The following MEGF9 variants were observed in gnomAD, a reference collection of about 807,000 sequenced individuals.
The protein encoded by MEGF9 is multiple EGF like domains 9, also known as multiple epidermal growth factor-like domains protein 9.
A neutral mutation model predicts 46.8 loss-of-function variants in MEGF9; 6 were observed. That is an observed-to-expected ratio of 0.13 (90% confidence interval 0.07 to 0.25). The LOEUF is 0.25. Ranked by LOEUF, MEGF9 falls within the 10% of genes least tolerant of loss-of-function variation. MEGF9 has a pLI of 1.00. For synonymous variants in MEGF9, 302 were observed against 330.7 expected (o/e 0.91, Z 0.94); for missense variants, 683 against 792.4 (o/e 0.86, Z 1.66).
At chr9:120,696,540 C>G (rs2043877815) in intron 1 of MEGF9, among the ~76,000 whole-genome samples, 1 of 152,052 alleles carries the variant, frequency 6.6e-6, no homozygotes, top group Admixed American at 6.5e-5. Flanking sequence ...CTCTTAGTAT[C>G]TGACAAAGAG....
chr9:120,616,654 G>A (rs1465009571), intron 3 of MEGF9, among the ~76,000 whole-genome samples: 1 of 142,874 alleles, frequency 7.0e-6, no homozygotes, highest in Non-Finnish European at 1.5e-5. Flanking sequence ...CTCCAGCCTG[G>A]GTGACAGAGC....
At position 120,714,363 on chromosome 9, in the gene MEGF9, T is replaced by G; in HGVS notation, c.-5A>C. The stretch of plus-strand genomic sequence containing the variant: ...GCGCTCGGCTCCGCCATTCATTCAT[T>G]CAGCCAGTCGGTTGGTCAGTCATCT... On this transcript the variant is annotated 5_prime_UTR_variant, in exon 1 of 6. It removes the in-frame stop codon of an upstream open reading frame in the 5' UTR. Transcript: ENST00000373930. The G allele has an allele frequency of 7.6e-7, 1 of 1,322,618 alleles. No individual in the cohort carries two copies. Among genetic ancestry groups the G allele is most frequent in the Non-Finnish European group, 9.7e-7 (1 of 1,036,126 alleles). 81.9% of individuals were successfully genotyped at this position (1,322,618 alleles called of 1,614,324 possible).
intron 2 of MEGF9, among the ~76,000 whole-genome samples, chr9:120,640,707 A>C (rs1030816440): frequency 6.6e-6 from 1 of 152,022 alleles, no homozygotes; most frequent in Non-Finnish European, 1.5e-5. Context: ...AAATTTTATT[A>C]TTCTTCTTTA....
rs1322398775 is a variant in MEGF9, at chr9:120,607,933, C to T, written c.1165G>A (p.Gly389Ser). 2.5e-6 allele frequency: 4 copies of T among 1,613,964 alleles called. No individual in the cohort carries two copies. The highest frequency in any genetic ancestry group is 3.4e-6 in the Non-Finnish European group (4 of 1,179,866). Residue 389 changes from glycine to serine, a missense_variant, in exon 5 of 6, where the codon GGC becomes AGC. Physicochemically the swap from Gly to Ser is moderately conservative, Grantham distance 56. Transcript: ENST00000373930. ...IGPNCNKCEN[G>S]YYNFDSICRK... ...CAGATGCTGTCAAAATTGTAATAGC[C>T]ATTTTCACATTTATTGCAGTTCGGG...
At position 120,713,785 on chromosome 9, in the gene MEGF9, T is replaced by C; in HGVS notation, c.574A>G (p.Thr192Ala). Residue 192 changes from threonine to alanine, a missense_variant, in exon 1 of 6, where the codon ACC becomes GCC. Thr to Ala is a moderately conservative substitution (Grantham distance 58). Coordinates refer to ENST00000373930, the MANE Select transcript of MEGF9 (RefSeq NM_001080497.3). ...GGAGGAGGCGAAGAGGGGGCCTCGG[T>C]GGCAGGTGGGGTGGGGAGGACGCTG... The part of the protein sequence containing the change: ...NSSVLPTPPA[T>A]EAPSSPPPEY... 1 of 1,285,440 alleles carries C rather than the reference T, an allele frequency of 7.8e-7. No homozygotes were observed. Among genetic ancestry groups the C allele is most frequent in the Non-Finnish European group, 9.8e-7 (1 of 1,017,494 alleles). 79.6% of individuals were successfully genotyped at this position (1,285,440 alleles called of 1,614,324 possible). A position where few individuals can be genotyped will look rare whatever the true frequency, so the allele number is the denominator to read the frequency against.
At chr9:120,686,087 A>ATTTT (rs939309954) in intron 1 of MEGF9, among the ~76,000 whole-genome samples, 1 of 137,016 alleles carries the variant, frequency 7.3e-6, no homozygotes, top group African/African-American at 2.8e-5. Context: ...AGTTGAGGGA[A>ATTTT]TTTTTTTTTT....
intron 1 of MEGF9, among the ~76,000 whole-genome samples, chr9:120,668,097 T>C (rs745370732): frequency 1.3e-5 from 2 of 152,186 alleles, no homozygotes; most frequent in Non-Finnish European, 2.9e-5. Flanking sequence ...CCTAAGTATA[T>C]GGTGTATTTC....
chr9:120,672,051 C>A (rs1454097848), intron 1 of MEGF9, among the ~76,000 whole-genome samples: 1 of 152,164 alleles, frequency 6.6e-6, no homozygotes, highest in Non-Finnish European at 1.5e-5. Flanking sequence ...AAATTAACAT[C>A]CATTCATGGG....
chr9:120,638,818 T>C (rs145756036), intron 2 of MEGF9, among the ~76,000 whole-genome samples: 55 of 152,302 alleles, frequency 3.6e-4, no homozygotes, highest in African/African-American at 1.3e-3. Flanking sequence ...TGCCCAAGTA[T>C]TTTTTGTTTG....
At chr9:120,667,651 A>T (rs2043730989) in intron 1 of MEGF9, among the ~76,000 whole-genome samples, 1 of 152,206 alleles carries the variant, frequency 6.6e-6, no homozygotes, top group African/African-American at 2.4e-5. Context: ...TTCTGAATTG[A>T]AAAGGAAAAA....
intron 2 of MEGF9, among the ~76,000 whole-genome samples, chr9:120,641,825 T>TG (rs1474719492): frequency 1.3e-5 from 2 of 152,206 alleles, no homozygotes; most frequent in African/African-American, 4.8e-5. Context: ...ACCCTGAATT[T>TG]GGTATCAATT....
At chr9:120,711,693 AAAGT>A (rs1230585828) in intron 1 of MEGF9, among the ~76,000 whole-genome samples, 1 of 152,228 alleles carries the variant, frequency 6.6e-6, no homozygotes, top group African/African-American at 2.4e-5. Flanking sequence ...GATACTAACC[AAAGT>A]AAGTGATCTT....
chr9:120,625,043 G>C lies in MEGF9; in HGVS notation c.804-2288C>G, dbSNP rs187334577. Among the ~76,000 whole-genome samples the C allele has an allele frequency of 2.2e-3, 340 of 152,304 alleles. 2 individuals carry two copies. The highest frequency in any genetic ancestry group is 7.4e-3 in the African/African-American group (309 of 41,548). On this transcript the variant is annotated intron_variant, in intron 2 of 5. Coordinates refer to ENST00000373930, the MANE Select transcript of MEGF9 (RefSeq NM_001080497.3). ...AGTCCCAGCTACTCAGGAGGCTGAGGCAGGAAGATCACTTGAGCCCAGGAG... is the reference window on the plus strand; with the variant it reads ...AGTCCCAGCTACTCAGGAGGCTGAGCCAGGAAGATCACTTGAGCCCAGGAG...
intron 2 of MEGF9, among the ~76,000 whole-genome samples, chr9:120,653,866 T>C (rs1270359164): frequency 6.6e-6 from 1 of 152,202 alleles, no homozygotes; most frequent in East Asian, 1.9e-4. Flanking sequence ...TGAAGTATTG[T>C]TAGGCTCATC....
chr9:120,630,182 C>A (rs1395444430), intron 2 of MEGF9, among the ~76,000 whole-genome samples: 2 of 152,006 alleles, frequency 1.3e-5, no homozygotes, highest in African/African-American at 4.8e-5. Flanking sequence ...GGCTATCTTC[C>A]CCTCCCACCT....
chr9:120,612,069 A>C (rs2043449939), intron 4 of MEGF9, among the ~76,000 whole-genome samples: 1 of 152,182 alleles, frequency 6.6e-6, no homozygotes, highest in Admixed American at 6.5e-5. Flanking sequence ...TGAGTCAACT[A>C]TATTTATTAG....
At chr9:120,635,786 T>C (rs1011940479) in intron 2 of MEGF9, among the ~76,000 whole-genome samples, 1 of 152,198 alleles carries the variant, frequency 6.6e-6, no homozygotes, top group Non-Finnish European at 1.5e-5. Flanking sequence ...AAAATCATAA[T>C]TTTGAATTCC....
At chr9:120,693,934 A>T (rs1009251523) in intron 1 of MEGF9, among the ~76,000 whole-genome samples, 1 of 152,180 alleles carries the variant, frequency 6.6e-6, no homozygotes, top group Non-Finnish European at 1.5e-5. Flanking sequence ...TAAAAAAAAA[A>T]AAATAAAGGT....
intron 1 of MEGF9, among the ~76,000 whole-genome samples, chr9:120,666,384 A>G (rs1297479747): frequency 1.3e-5 from 2 of 152,210 alleles, no homozygotes; most frequent in African/African-American, 4.8e-5. Context: ...AGCACACACA[A>G]TGCAAATATT....
Sources: gnomAD v4.1 joint callset for allele counts (sites outside exome capture counted in the v4.1 genomes callset) on GRCh38, gnomAD v4.1.1 for gene constraint, MANE v1.5 for transcripts, NCBI Gene and HGNC (gene_info 2026-07-23, HGNC 2026-07-21) for gene names.